PDLIM2: variants seen among roughly 807,000 people sequenced by gnomAD.
PDLIM2 encodes PDZ and LIM domain 2.
Under a neutral mutation model 54.1 loss-of-function variants are expected in PDLIM2, and 51 were observed. That is an observed-to-expected ratio of 0.94 (90% CI 0.75 to 1.19). The LOEUF is 1.19. Among genes scored for constraint, PDLIM2 ranks in the 50% most tolerant of loss-of-function variants. The probability of loss-of-function intolerance (pLI) is 0.00; values close to 1 mark genes in which losing one functional copy is unlikely to be tolerated. For synonymous variants in PDLIM2, 398 were observed against 385.6 expected, an observed-to-expected ratio of 1.03 and a Z score of -0.38; for missense variants, 912 against 874.0, an observed-to-expected ratio of 1.04 and a Z score of -0.55.
rs1184132625 is a variant in PDLIM2 at position 22,579,264 on chromosome 8, TC to T, written c.489del (p.Gly164AlafsTer90). On this transcript the variant is annotated frameshift_variant, in exon 1 of 10. Coordinates refer to ENST00000308354, the Ensembl canonical transcript of PDLIM2. LOFTEE classifies it high-confidence loss of function. ...CTGCGCCTCTCCGCGCGGCCCGCCC[TC>T]CCCGGCGCCGGGCTCCTCTCCGCGC... 2 of 1,356,364 alleles carry T rather than the reference TC, an allele frequency of 1.5e-6. No individual in the cohort carries two copies. The highest frequency in any genetic ancestry group is 3.6e-5 in the South Asian group (2 of 54,872). The allele number at this position is 1,356,364 out of a possible 1,614,324, so 84.0% of individuals were successfully genotyped here. A position where few individuals can be genotyped will look rare whatever the true frequency, so the allele number is the denominator to read the frequency against.
rs1038761985 is a variant in PDLIM2, at chr8:22,591,375, C to T, written c.1514-176C>T. On this transcript the variant is annotated intron_variant, in intron 8 of 9. Coordinates refer to ENST00000308354, the Ensembl canonical transcript of PDLIM2. Reference sequence around the variant, plus strand: ...GTACCTGCCTCCTTCATGCCCTTGCCCAGCCTCAGCCATGGATCTGGCAAG... The same window carrying T: ...GTACCTGCCTCCTTCATGCCCTTGCTCAGCCTCAGCCATGGATCTGGCAAG... 5 of 650,500 alleles carry T rather than the reference C, an allele frequency of 7.7e-6. No individual in the cohort carries two copies. The African/African-American group carries it at 9.0e-5, about 12-fold the overall frequency. The allele number at this position is 650,500 out of a possible 1,614,324, so 40.3% of individuals were successfully genotyped here.
rs902079437 is a variant in PDLIM2 at position 22,580,830 on chromosome 8, T to C, written c.843+133T>C. 8 of 1,032,500 alleles carry C rather than the reference T, an allele frequency of 7.7e-6. No homozygotes were observed. In the African/African-American group the frequency reaches 1.1e-4, roughly 14 times the overall value. The allele number at this position is 1,032,500 out of a possible 1,614,324, so 64.0% of individuals were successfully genotyped here. On this transcript the variant is annotated intron_variant, in intron 2 of 9. Coordinates refer to ENST00000308354, the Ensembl canonical transcript of PDLIM2. Reference sequence around the variant, plus strand: ...ATCTGCTGCTGCCTGGCGTGCTGGCTGTAAGGGAGCCGTGGCCCTTTGCCA... The same window carrying C: ...ATCTGCTGCTGCCTGGCGTGCTGGCCGTAAGGGAGCCGTGGCCCTTTGCCA...
At chr8:22,586,185 G>A (rs1259278644) in intron 6 of PDLIM2, among the ~76,000 whole-genome samples, 1 of 152,186 alleles carries the variant, frequency 6.6e-6, no homozygotes, top group Non-Finnish European at 1.5e-5. Context: ...GGGGTGGCCA[G>A]GGAGGGCACT....
chr8:22,585,003 C>T lies in PDLIM2; in HGVS notation c.1066-14C>T. The stretch of plus-strand genomic sequence containing the variant: ...GCAGCCCTGCCTTTCCTGACACAGT[C>T]ACTCTCTCCACAGGGCTCCGTGAGG... On this transcript the variant is annotated splice_polypyrimidine_tract_variant and intron_variant, in intron 4 of 9. Transcript: ENST00000308354. 6.2e-7 allele frequency: 1 copy of T among 1,613,460 alleles called. No individual in the cohort carries two copies. Among genetic ancestry groups the T allele is most frequent in the East Asian group, 2.2e-5 (1 of 44,864 alleles).
rs1406182163 is a variant in PDLIM2, at chr8:22,579,119, G to A, written c.340G>A (p.Gly114Arg). The A allele has an allele frequency of 6.3e-6, 8 of 1,275,628 alleles. No homozygotes were observed. Among genetic ancestry groups the A allele is most frequent in the Non-Finnish European group, 7.9e-6 (8 of 1,014,394 alleles). The allele number at this position is 1,275,628 out of a possible 1,614,324, so 79.0% of individuals were successfully genotyped here. The stretch of plus-strand genomic sequence containing the variant: ...GGAGGCAGGTCCGGGAGCCCCGGGC[G>A]GGCTCTCCCCAGAGTCGGGTAGACG... The change falls in exon 1 of 10, where the codon GGG (glycine) becomes AGG (arginine). Residue 114 changes from glycine to arginine, a missense_variant. By Grantham distance (125) the Gly-to-Arg change is moderately radical. Transcript: ENST00000308354.
chr8:22,586,645 C>T (rs1357831164), intron 6 of PDLIM2, among the ~76,000 whole-genome samples: 1 of 152,120 alleles, frequency 6.6e-6, no homozygotes, highest in Non-Finnish European at 1.5e-5. Context: ...CAGGAATGAG[C>T]TTGTTTCAAG....
chr8:22,581,092 G>C (rs761443358), intron 2 of PDLIM2: 65 of 681,008 alleles, frequency 9.5e-5, no homozygotes, highest in Non-Finnish European at 1.6e-4. Context: ...CGATTTGCAC[G>C]GGCAAGGCTC....
chr8:22,585,257 G>A, intron 5 of PDLIM2, 64 bp from the exon 5 acceptor site: 6 of 1,602,006 alleles, frequency 3.7e-6, no homozygotes, highest in Non-Finnish European at 5.1e-6. Context: ...GGAGCCCGGG[G>A]CAGCATCCTC....
intron 6 of PDLIM2, chr8:22,588,935 GC>G: frequency 2.9e-6 from 1 of 339,890 alleles, no homozygotes; most frequent in Non-Finnish European, 5.4e-6. Flanking sequence ...TCGGAGCCAG[GC>G]CCCAGTGTGC....
Position 22,584,919 on chromosome 8 carries a change from C to G in PDLIM2, c.1065+29C>G, listed in dbSNP as rs371255773. On this transcript the variant is annotated intron_variant, in intron 4 of 9. Coordinates refer to ENST00000308354, the Ensembl canonical transcript of PDLIM2. ...AGCTGGTGCCCTCCCCTGACAGCCT[C>G]AGCACCCTGATCACTGGTGCATGAA... The G allele has an allele frequency of 2.0e-5, 33 of 1,613,882 alleles. No individual in the cohort carries two copies. In the African/African-American group the frequency reaches 3.3e-4, roughly 16 times the overall value.
At chr8:22,589,412 G>A (rs1800470039) in intron 7 of PDLIM2, 38 bp downstream of exon 6, 4 of 1,535,490 alleles carry the variant, frequency 2.6e-6, no homozygotes, top group Non-Finnish European at 3.5e-6. Context: ...TGGGGTCTTG[G>A]AAGGCTGGGA....
chr8:22,594,922 T>A, downstream of PDLIM2: 1 of 342,606 alleles, frequency 2.9e-6, no homozygotes, highest in Non-Finnish European at 5.3e-6. Context: ...AGGACCTGTC[T>A]GTTGAAAAAA....
exon 3 of PDLIM2, chr8:22,581,383 C>A: frequency 6.3e-7 from 1 of 1,599,854 alleles, no homozygotes. Flanking sequence ...CTACAGGTGG[C>A]CGAGCGGGGC....
downstream of PDLIM2, chr8:22,596,096 T>C (rs1800678777): frequency 6.6e-6 from 1 of 152,254 alleles, no homozygotes; most frequent in South Asian, 2.1e-4. Flanking sequence ...TTGCCCAGCC[T>C]CTGGGAACAC....
At chr8:22,592,944 G>T (rs1252957226) in intron 9 of PDLIM2, 1 of 152,230 alleles carries the variant, frequency 6.6e-6, no homozygotes, top group African/African-American at 2.4e-5. Context: ...TGCCGTCATG[G>T]CTCACTGCAG....
intron 6 of PDLIM2, among the ~76,000 whole-genome samples, chr8:22,587,512 C>T (rs1176944609): frequency 1.3e-5 from 2 of 152,158 alleles, no homozygotes; most frequent in Non-Finnish European, 2.9e-5. Flanking sequence ...CCTGCCCTGC[C>T]CTGCCCCACC....
At chr8:22,588,080 G>A (rs1035738039) in intron 6 of PDLIM2, 1 of 152,306 alleles carries the variant, frequency 6.6e-6, no homozygotes, top group Admixed American at 6.5e-5. Context: ...AGGTCCTTCA[G>A]GTGACCGCAC....
In PDLIM2 at chr8:22,579,072, G is replaced by A. The variant is rs1054794709; in HGVS notation, c.293G>A (p.Gly98Asp). ...TCTCGGGCTAGGGGCGGCGGCAGGG[G>A]CGGCCCCGGGATCACATGGGCGGAG... Residue 98 changes from glycine to aspartate, a missense_variant, in exon 1 of 10, where the codon GGC (glycine) becomes GAC (aspartate). By Grantham distance (94) the Gly-to-Asp change is moderately conservative. Coordinates refer to ENST00000308354, the Ensembl canonical transcript of PDLIM2. The A allele has an allele frequency of 8.8e-6, 11 of 1,251,812 alleles. No homozygotes were observed. In the African/African-American group the frequency reaches 1.6e-4, roughly 18 times the overall value. 77.5% of individuals were successfully genotyped at this position (1,251,812 alleles called of 1,614,324 possible).
At chr8:22,594,781 GA>G, downstream of PDLIM2, 20 of 1,378,232 alleles carry the variant, frequency 1.5e-5, 1 homozygote, top group South Asian at 3.0e-5. Context: ...TTGGAGGGGG[GA>G]AAAAGGGCAG....
Sources: gnomAD v4.1 joint callset for allele counts (sites outside exome capture counted in the v4.1 genomes callset) on GRCh38, gnomAD v4.1.1 for gene constraint, MANE v1.5 for transcripts, NCBI Gene and HGNC (gene_info 2026-07-23, HGNC 2026-07-21) for gene names.